Variants in WDR5 observed in about 807,000 individuals in gnomAD.
The protein encoded by WDR5 is WD repeat domain 5, also known as WD repeat-containing protein 5.
For synonymous variants in WDR5, 144 were observed against 161.6 expected, an observed-to-expected ratio of 0.89 and a Z score of 0.83; for missense variants, 187 against 416.9, an observed-to-expected ratio of 0.45 and a Z score of 4.80.
At chr9:134,155,274 G>T in intron 10 of WDR5, 66 bp from the exon 11 acceptor site, 1 of 1,488,828 alleles carries the variant, frequency 6.7e-7, no homozygotes. Context: ...AGTGGCTGCA[G>T]AGTTGGGTGT....
At chr9:134,145,858 C>T (rs28701738) in intron 7 of WDR5, among the ~76,000 whole-genome samples, 11,294 of 152,168 alleles carry the variant, frequency 0.074, 868 homozygotes, top group African/African-American at 0.2. Context: ...CTCCGCAGAG[C>T]ACTTGGAGTG....
chr9:134,159,354 T>TCTACAGAGGGCCCTGGCC lies in WDR5; in HGVS notation c.*1363_*1380dup, dbSNP rs1832894434. On this transcript the variant is annotated 3_prime_UTR_variant, in exon 14 of 14. Transcript: ENST00000358625. The surrounding 1 kb of genome is among the most constrained non-coding windows in gnomAD (Gnocchi z 4.3). ...CTGGGAAGCCAGCTTGGGTCCTGGG[T>TCTACAGAGGGCCCTGGCC]CTACAGAGGGCCCTGGCCCCGGAGC... 1 of 152,218 alleles carries TCTACAGAGGGCCCTGGCC rather than the reference T, an allele frequency of 6.6e-6. No individual in the cohort carries two copies. The highest frequency in any genetic ancestry group is 1.5e-5 in the Non-Finnish European group (1 of 68,182). 9.4% of individuals were successfully genotyped at this position (152,218 alleles called of 1,614,324 possible).
At chr9:134,155,800 T>G in intron 12 of WDR5, 33 bp downstream of exon 12, 1 of 1,602,234 alleles carries the variant, frequency 6.2e-7, no homozygotes, top group Non-Finnish European at 8.5e-7. Flanking sequence ...GTCTCACCTG[T>G]TCCCAGCTTA....
At chr9:134,144,111 A>G (rs964462265) in intron 7 of WDR5, among the ~76,000 whole-genome samples, 1 of 152,240 alleles carries the variant, frequency 6.6e-6, no homozygotes, top group Non-Finnish European at 1.5e-5. Context: ...ATGGCAGGCG[A>G]AGCCCTGATA....
rs1588164627 is a variant in WDR5, at chr9:134,136,209, G to T, written c.-59+9G>T. On this transcript the variant is annotated intron_variant, in intron 1 of 13. Transcript: ENST00000358625. ...CCGCCGCGGCCCGGCAGGTAAGCGG[G>T]CAGCCGCCCGGCCCGGGGAACACAA... 1 of 147,986 alleles carries T rather than the reference G, an allele frequency of 6.8e-6. No individual in the cohort carries two copies. Among genetic ancestry groups the T allele is most frequent in the South Asian group, 2.1e-4 (1 of 4,828 alleles). The allele number at this position is 147,986 out of a possible 1,614,324, so 9.2% of individuals were successfully genotyped here.
chr9:134,154,668 T>G, intron 10 of WDR5, 127 bp downstream of exon 10: 1 of 1,096,444 alleles, frequency 9.1e-7, no homozygotes, highest in Non-Finnish European at 1.3e-6. Flanking sequence ...CTGGTGGAGC[T>G]TCGGCTTCTG....
At chr9:134,153,140 C>T (rs191745288) in intron 9 of WDR5, among the ~76,000 whole-genome samples, 62 of 152,302 alleles carry the variant, frequency 4.1e-4, no homozygotes, top group Admixed American at 1.6e-3. Flanking sequence ...CACTTGGTGT[C>T]CCCTGGACGG....
Position 134,157,679 on chromosome 9 carries a change from CG to C in WDR5, c.905-212del, listed in dbSNP as rs1217308884. Among the ~76,000 whole-genome samples, 3 of 152,092 alleles carry C rather than the reference CG, an allele frequency of 2.0e-5. No homozygotes were observed. The highest frequency in any genetic ancestry group is 4.4e-5 in the Non-Finnish European group (3 of 68,020). ...TGGCCTCCTGCCCCTGTCCCCCAAC[CG>C]GCTGTGTCGCCCTGGTACCGGCTGC... On this transcript the variant is annotated intron_variant, in intron 13 of 13. Coordinates refer to ENST00000358625, the MANE Select transcript of WDR5 (RefSeq NM_017588.3). This position sits in a 1 kb window ranked among gnomAD's most constrained non-coding sequence, Gnocchi z 5.0.
chr9:134,155,135 CG>C (rs1832689797), intron 10 of WDR5, among the ~76,000 whole-genome samples: 1 of 152,226 alleles, frequency 6.6e-6, no homozygotes, highest in Non-Finnish European at 1.5e-5. Flanking sequence ...CAAATACTTG[CG>C]GCTGTCACAC....
In WDR5 at chr9:134,139,899, C is replaced by A. The variant is rs767945674; in HGVS notation, c.22C>A (p.Pro8Thr). The change falls in exon 2 of 14, where the codon CCC becomes ACC. Residue 8 changes from proline (P) to threonine (T), a missense_variant. Transcript: ENST00000358625. MATEEKK[P>T]ETEAARAQPT... Reference sequence around the variant, plus strand: ...AGCCATGGCGACGGAGGAGAAGAAGCCCGAGACCGAGGCCGCCAGAGCACA... The same window carrying A: ...AGCCATGGCGACGGAGGAGAAGAAGACCGAGACCGAGGCCGCCAGAGCACA... 3 of 1,613,498 alleles carry A rather than the reference C, an allele frequency of 1.9e-6. No homozygotes were observed. The highest frequency in any genetic ancestry group is 3.3e-5 in the Admixed American group (2 of 60,024).
In WDR5 at chr9:134,155,760, G is replaced by A; in HGVS notation, c.809G>A (p.Gly270Asp). The change falls in exon 12 of 14, where the codon GGT (glycine) becomes GAT (aspartate). Residue 270 changes from glycine (G) to aspartate (D), a missense_variant. By Grantham distance (94) the Gly-to-Asp change is moderately conservative. Transcript: ENST00000358625. ...YCIFANFSVT[G>D]GKWIVSGSED... ...ATATTTGCCAATTTCTCTGTTACTG[G>A]TGGGAAGGTGAGTCTCATAACCTTG... The A allele has an allele frequency of 6.2e-7, 1 of 1,614,042 alleles. No homozygotes were observed. Among genetic ancestry groups the A allele is most frequent in the Non-Finnish European group, 8.5e-7 (1 of 1,179,978 alleles).
At chr9:134,140,436 C>T (rs1231940750) in intron 2 of WDR5, among the ~76,000 whole-genome samples, 3 of 152,038 alleles carry the variant, frequency 2.0e-5, no homozygotes, top group Non-Finnish European at 2.9e-5. Flanking sequence ...TGAGGGGGGC[C>T]TCACGTTTCT....
intron 7 of WDR5, among the ~76,000 whole-genome samples, chr9:134,147,335 A>G (rs1439040886): frequency 6.6e-6 from 1 of 152,194 alleles, no homozygotes; most frequent in Non-Finnish European, 1.5e-5. Context: ...GACTGGTCAA[A>G]TCAGAAGCCC....
intron 10 of WDR5, among the ~76,000 whole-genome samples, chr9:134,154,895 A>G (rs941460416): frequency 6.6e-6 from 1 of 152,108 alleles, no homozygotes; most frequent in African/African-American, 2.4e-5. Flanking sequence ...ACCTCTCACA[A>G]AGCCACTGCC....
In WDR5 at chr9:134,142,566, G is replaced by T. The variant is rs556188068; in HGVS notation, c.445-70G>T. On this transcript the variant is annotated intron_variant, in intron 6 of 13. Coordinates refer to ENST00000358625, the MANE Select transcript of WDR5 (RefSeq NM_017588.3). The stretch of plus-strand genomic sequence containing the variant: ...TTGTGGGGAGGATGGGCTGATAGCA[G>T]GTCTTAGGTTCTGGGGAGGTTTGTC... The T allele has an allele frequency of 2.5e-6, 4 of 1,577,096 alleles. No homozygotes were observed. The Admixed American group carries it at 5.0e-5, about 20-fold the overall frequency.
Position 134,158,071 on chromosome 9 carries a change from T to TC in WDR5, c.*83dup, listed in dbSNP as rs1423807431. On this transcript the variant is annotated 3_prime_UTR_variant, in exon 14 of 14. Transcript: ENST00000358625. ...AAGAAACAGGGTGTCTTGGAGGTGG[T>TC]CCCCCAGATCTGCGCCTGGGGGTCA... is the stretch of plus-strand genomic sequence containing the variant. 1.0e-5 allele frequency: 14 copies of TC among 1,339,768 alleles called. No homozygotes were observed. The highest frequency in any genetic ancestry group is 1.4e-5 in the Non-Finnish European group (13 of 937,492). The allele number at this position is 1,339,768 out of a possible 1,614,324, so 83.0% of individuals were successfully genotyped here. A position where few individuals can be genotyped will look rare whatever the true frequency, so the allele number is the denominator to read the frequency against.
intron 11 of WDR5, 29 bp downstream of exon 11, chr9:134,155,402 G>A (rs757743646): frequency 3.1e-6 from 5 of 1,589,410 alleles, no homozygotes; most frequent in Non-Finnish European, 4.3e-6. Context: ...GGGCCCCCAT[G>A]GTGCACCATC....
chr9:134,153,841 C>A (rs34062061), intron 9 of WDR5, among the ~76,000 whole-genome samples: 10 of 152,230 alleles, frequency 6.6e-5, no homozygotes, highest in Admixed American at 1.3e-4. Flanking sequence ...AGAGGAGATG[C>A]CTTCCTCCAC....
At chr9:134,151,547 A>G (rs1832487682) in intron 8 of WDR5, among the ~76,000 whole-genome samples, 1 of 152,210 alleles carries the variant, frequency 6.6e-6, no homozygotes, top group Non-Finnish European at 1.5e-5. Flanking sequence ...AGTCCAGAAG[A>G]CTGCTTACAA....
Sources: gnomAD v4.1 joint callset for allele counts (sites outside exome capture counted in the v4.1 genomes callset) on GRCh38, gnomAD v4.1.1 for gene constraint, Gnocchi (gnomAD v3.1) non-coding constraint, MANE v1.5 for transcripts, NCBI Gene and HGNC (gene_info 2026-07-23, HGNC 2026-07-21) for gene names.